The following JAML variants were observed in gnomAD, a reference collection of about 807,000 sequenced individuals.
The protein encoded by JAML is junction adhesion molecule like.
A neutral mutation model predicts 39.3 loss-of-function variants in JAML; 25 were observed. The ratio of observed to expected loss-of-function variants is 0.64; its 90% CI spans 0.46 to 0.89. The LOEUF is 0.89. JAML is among the 40% of genes least tolerant of loss of function. The pLI, the probability that JAML is intolerant of heterozygous loss-of-function variation, is 0.00. For synonymous variants in JAML, 162 were observed against 179.2 expected, an observed-to-expected ratio of 0.90 and a Z score of 0.77; for missense variants, 440 against 486.9, an observed-to-expected ratio of 0.90 and a Z score of 0.91.
At position 118,194,232 on chromosome 11, in the gene JAML, G is replaced by A; in HGVS notation, c.*93C>T. 2 of 1,082,324 alleles carry A rather than the reference G, an allele frequency of 1.8e-6. No individual in the cohort carries two copies. Among genetic ancestry groups the A allele is most frequent in the South Asian group, 2.6e-5 (2 of 78,202 alleles). 67.0% of individuals were successfully genotyped at this position (1,082,324 alleles called of 1,614,324 possible). A position where few individuals can be genotyped will look rare whatever the true frequency, so the allele number is the denominator to read the frequency against. ...CAATGAGACAGGAGGACAGCTGGGA[G>A]AGCGGGAGTCTGAAATCACTGGTAG... is the stretch of plus-strand genomic sequence containing the variant. On this transcript the variant is annotated 3_prime_UTR_variant, in exon 10 of 10. Coordinates refer to ENST00000356289, the MANE Select transcript of JAML (RefSeq NM_001098526.2).
chr11:118,201,310 A>C (rs1458172410), intron 6 of JAML: 1 of 152,316 alleles, frequency 6.6e-6, no homozygotes, highest in Non-Finnish European at 1.5e-5. Flanking sequence ...CAAAAGTTCT[A>C]AAGTTTAACC....
intron 1 of JAML, among the ~76,000 whole-genome samples, chr11:118,216,321 A>G (rs939505177): frequency 2.8e-4 from 42 of 151,820 alleles, no homozygotes; most frequent in African/African-American, 1.0e-3. Flanking sequence ...GTGAGCCGAG[A>G]TCACGCCACT....
chr11:118,198,628 C>T lies in JAML; in HGVS notation c.912-537G>A, dbSNP rs1041052709. On this transcript the variant is annotated intron_variant, in intron 7 of 9. Transcript: ENST00000356289. ...GGCCTTTGATCTCATGACCATTTGC[C>T]TTCTGAACATACTTTCTTTTTTTCT... Among the ~76,000 whole-genome samples, 15 of 149,856 alleles carry T rather than the reference C, an allele frequency of 1.0e-4. No individual in the cohort carries two copies. The East Asian group carries it at 2.1e-3, about 21-fold the overall frequency.
intron 7 of JAML, among the ~76,000 whole-genome samples, chr11:118,198,590 G>T (rs1221366384): frequency 6.6e-6 from 1 of 151,190 alleles, no homozygotes; most frequent in African/African-American, 2.4e-5. Flanking sequence ...CGCCTGCCCT[G>T]TCGGGGTCCC....
At chr11:118,215,499 T>C (rs1451191106) in intron 1 of JAML, among the ~76,000 whole-genome samples, 2 of 151,000 alleles carry the variant, frequency 1.3e-5, no homozygotes, top group Admixed American at 1.3e-4. Context: ...ACAGGCATGC[T>C]ACACCACACT....
At chr11:118,212,667 C>G in intron 2 of JAML, 106 bp from the exon 3 acceptor site, 2 of 1,517,040 alleles carry the variant, frequency 1.3e-6, no homozygotes, top group Non-Finnish European at 1.8e-6. Context: ...CTGGATGATC[C>G]AACATAGACA....
At chr11:118,212,846 A>G (rs1433112524) in intron 2 of JAML, 1 of 1,613,860 alleles carries the variant, frequency 6.2e-7, no homozygotes, top group South Asian at 1.1e-5. Flanking sequence ...CAACCTTTCT[A>G]AAGAAATAAG....
intron 1 of JAML, chr11:118,224,033 A>T (rs1327620096): frequency 6.6e-6 from 1 of 152,208 alleles, no homozygotes; most frequent in Non-Finnish European, 1.5e-5. Flanking sequence ...AAGTCCTCTC[A>T]ATCTATCTGC....
intron 7 of JAML, 22 bp from the exon 8 acceptor site, chr11:118,198,113 T>G (rs780621851): frequency 5.6e-6 from 9 of 1,604,292 alleles, no homozygotes; most frequent in Non-Finnish European, 7.7e-6. Context: ...GAAAAGCATG[T>G]GGAATTAACC....
intron 2 of JAML, chr11:118,212,771 C>A (rs1178457469): frequency 5.0e-6 from 8 of 1,585,546 alleles, no homozygotes; most frequent in Non-Finnish European, 6.9e-6. Context: ...CTTCATACTA[C>A]AATAAATGCT....
At chr11:118,212,121 T>C (rs1414695551) in intron 3 of JAML, among the ~76,000 whole-genome samples, 1 of 152,194 alleles carries the variant, frequency 6.6e-6, no homozygotes, top group Admixed American at 6.5e-5. Flanking sequence ...AGTTTGTGTC[T>C]CCCATCAGCC....
At position 118,194,243 on chromosome 11, in the gene JAML, T is replaced by G; in HGVS notation, c.*82A>C. On this transcript the variant is annotated 3_prime_UTR_variant, in exon 10 of 10. Coordinates refer to ENST00000356289, the MANE Select transcript of JAML (RefSeq NM_001098526.2). Reference sequence around the variant, plus strand: ...GAGGACAGCTGGGAGAGCGGGAGTCTGAAATCACTGGTAGAGTGGCCCAGG... The same window carrying G: ...GAGGACAGCTGGGAGAGCGGGAGTCGGAAATCACTGGTAGAGTGGCCCAGG... 8.0e-7 allele frequency: 1 copy of G among 1,248,624 alleles called. No individual in the cohort carries two copies. The highest frequency in any genetic ancestry group is 1.2e-6 in the Non-Finnish European group (1 of 850,442). 77.3% of individuals were successfully genotyped at this position (1,248,624 alleles called of 1,614,324 possible). A position where few individuals can be genotyped will look rare whatever the true frequency, so the allele number is the denominator to read the frequency against.
At chr11:118,216,768 G>A (rs949902897) in intron 1 of JAML, among the ~76,000 whole-genome samples, 4 of 152,142 alleles carry the variant, frequency 2.6e-5, no homozygotes, top group African/African-American at 9.7e-5. Flanking sequence ...TTGTAACAAT[G>A]GGGATAATAA....
Position 118,194,261 on chromosome 11 carries a change from G to A in JAML, c.*64C>T. 2 of 1,397,436 alleles carry A rather than the reference G, an allele frequency of 1.4e-6. No individual in the cohort carries two copies. Among genetic ancestry groups the A allele is most frequent in the Admixed American group, 3.4e-5 (2 of 59,350 alleles). The allele number at this position is 1,397,436 out of a possible 1,614,324, so 86.6% of individuals were successfully genotyped here. A position where few individuals can be genotyped will look rare whatever the true frequency, so the allele number is the denominator to read the frequency against. On this transcript the variant is annotated 3_prime_UTR_variant, in exon 10 of 10. Coordinates refer to ENST00000356289, the MANE Select transcript of JAML (RefSeq NM_001098526.2). ...GGGAGTCTGAAATCACTGGTAGAGTGGCCCAGGACACACACAGGAGAGAGT... is the reference window on the plus strand; with the variant it reads ...GGGAGTCTGAAATCACTGGTAGAGTAGCCCAGGACACACACAGGAGAGAGT...
chr11:118,214,143 G>C (rs1398540594), intron 2 of JAML, among the ~76,000 whole-genome samples: 1 of 152,132 alleles, frequency 6.6e-6, no homozygotes, highest in Admixed American at 6.5e-5. Context: ...CTACATCCAT[G>C]GGATAAAGAA....
chr11:118,212,839 C>A, intron 2 of JAML: 2 of 1,613,832 alleles, frequency 1.2e-6, no homozygotes, highest in South Asian at 1.1e-5. Flanking sequence ...TTCCTCCCAA[C>A]CTTTCTAAAG....
chr11:118,195,053 G>A (rs1342126029), intron 9 of JAML, among the ~76,000 whole-genome samples: 2 of 152,192 alleles, frequency 1.3e-5, no homozygotes, highest in African/African-American at 4.8e-5. Context: ...ACCTGGGGAA[G>A]TTAGCTGTGA....
chr11:118,215,107 C>T (rs1949123103), intron 1 of JAML, among the ~76,000 whole-genome samples: 1 of 152,000 alleles, frequency 6.6e-6, no homozygotes, highest in Admixed American at 6.6e-5. Flanking sequence ...AAGAAAATAC[C>T]AGATGTCAAT....
Position 118,200,522 on chromosome 11 carries a change from A to C in JAML, c.863T>G (p.Leu288Arg), listed in dbSNP as rs1200641775. The change falls in exon 7 of 10, where the codon CTG (leucine) becomes CGG (arginine). Residue 288 changes from leucine (L) to arginine (R), a missense_variant. By Grantham distance (102) the Leu-to-Arg change is moderately radical. Coordinates refer to ENST00000356289, the MANE Select transcript of JAML (RefSeq NM_001098526.2). ...CACGATCAATATCAGAACAGGGAGCAGCAGGATTGTGGCACAGACAATTCC... is the reference window on the plus strand; with the variant it reads ...CACGATCAATATCAGAACAGGGAGCCGCAGGATTGTGGCACAGACAATTCC... ...IVGIVCATIL[L>R]LPVLILIVKK... 8 of 1,614,016 alleles carry C rather than the reference A, an allele frequency of 5.0e-6. No individual in the cohort carries two copies. The Admixed American group carries it at 1.3e-4, about 27-fold the overall frequency.
Sources: gnomAD v4.1 joint callset for allele counts (sites outside exome capture counted in the v4.1 genomes callset) on GRCh38, gnomAD v4.1.1 for gene constraint, MANE v1.5 for transcripts, NCBI Gene and HGNC (gene_info 2026-07-23, HGNC 2026-07-21) for gene names.